Variants in SVOPL observed in about 807,000 individuals in gnomAD.
SVOPL encodes the protein SVOP like.
SVOPL carries 60 observed loss-of-function variants against 61.0 expected under a neutral mutation model. The observed-to-expected ratio is 0.98, with a 90% CI of 0.80 to 1.22. The LOEUF (loss-of-function observed/expected upper bound fraction) is 1.22, where lower values mean the gene tolerates loss of function less well. SVOPL is among the 50% of genes most tolerant of loss of function. SVOPL has a pLI of 0.00. For synonymous variants in SVOPL, 279 were observed against 250.0 expected (o/e 1.12, Z -1.09); for missense variants, 662 against 643.9 (o/e 1.03, Z -0.30).
rs770991935 is a variant in SVOPL at position 138,644,839 on chromosome 7, G to A, written c.667C>T (p.Pro223Ser). The change falls in exon 9 of 16, where the codon CCT (proline) becomes TCT (serine). Residue 223 changes from proline to serine, a missense_variant. Pro to Ser is a moderately conservative substitution (Grantham distance 74). Coordinates refer to ENST00000674285, the MANE Select transcript of SVOPL (RefSeq NM_001139456.2). ...IILIVAFKFI[P>S]ESARFNVSTG... ...GAGACATTGAACCGGGCAGATTCAG[G>A]AATAAACTGGGTAGAGATTACAAAG... is the stretch of plus-strand genomic sequence containing the variant. 1 of 1,614,144 alleles carries A rather than the reference G, an allele frequency of 6.2e-7. No homozygotes were observed. Among genetic ancestry groups the A allele is most frequent in the Non-Finnish European group, 8.5e-7 (1 of 1,180,034 alleles).
intron 6 of SVOPL, 117 bp downstream of exon 6, chr7:138,659,747 C>A (rs1801916927): frequency 9.6e-7 from 1 of 1,042,872 alleles, no homozygotes. Flanking sequence ...TGGACTGAAA[C>A]CTGTCTCAGA....
intron 1 of SVOPL, among the ~76,000 whole-genome samples, chr7:138,694,927 C>T (rs141806935): frequency 0.031 from 4,725 of 150,780 alleles, 89 homozygotes; most frequent in Middle Eastern, 0.079. Context: ...TTAGTAGAGA[C>T]AGGGTTTCAC....
At chr7:138,642,453 A>T (rs1800860478) in intron 9 of SVOPL, among the ~76,000 whole-genome samples, 1 of 152,118 alleles carries the variant, frequency 6.6e-6, no homozygotes, top group African/African-American at 2.4e-5. Context: ...TATCGCATAG[A>T]TTTTTAAAAT....
chr7:138,689,034 C>A, intron 1 of SVOPL: 1 of 702,178 alleles, frequency 1.4e-6, no homozygotes. Context: ...CAAATCAAGA[C>A]GTTCAAATCT....
intron 9 of SVOPL, among the ~76,000 whole-genome samples, chr7:138,634,688 C>G (rs1056504984): frequency 6.7e-6 from 1 of 149,792 alleles, no homozygotes; most frequent in African/African-American, 2.5e-5. Context: ...ATTAGCCAGG[C>G]ATGGTGGCAC....
chr7:138,681,451 CTG>C (rs1445658713), intron 1 of SVOPL, among the ~76,000 whole-genome samples: 2 of 151,904 alleles, frequency 1.3e-5, no homozygotes, highest in Non-Finnish European at 2.9e-5. Context: ...AATGTACAAA[CTG>C]AGCCTGGGGC....
rs1033199816 is a variant in SVOPL at position 138,636,476 on chromosome 7, C to CT, written c.790-6355dup. Among the ~76,000 whole-genome samples the CT allele has an allele frequency of 5.1e-4, 75 of 147,220 alleles. 2 individuals carry two copies. The highest frequency in any genetic ancestry group is 1.1e-3 in the African/African-American group (42 of 39,546). ...AATCTCAAACTCTCATAGGATTTTT[C>CT]TTTTTTTTTTTTGAGACAGAGTTTC... On this transcript the variant is annotated intron_variant, in intron 9 of 15. Coordinates refer to ENST00000674285, the MANE Select transcript of SVOPL (RefSeq NM_001139456.2).
At chr7:138,699,773 C>T (rs910381884) in intron 1 of SVOPL, among the ~76,000 whole-genome samples, 19 of 152,148 alleles carry the variant, frequency 1.2e-4, no homozygotes, top group African/African-American at 2.9e-4. Context: ...GGTGTGGCTC[C>T]GAGGAGCAAG....
chr7:138,687,208 CT>C (rs1367740200), intron 1 of SVOPL, among the ~76,000 whole-genome samples: 1 of 123,108 alleles, frequency 8.1e-6, no homozygotes, highest in South Asian at 2.8e-4. Context: ...TTTGGAAGCT[CT>C]TTTTTTTCCT....
intron 9 of SVOPL, among the ~76,000 whole-genome samples, chr7:138,632,887 G>A (rs1215757155): frequency 6.6e-6 from 1 of 152,096 alleles, no homozygotes; most frequent in Non-Finnish European, 1.5e-5. Flanking sequence ...AGCTATCCGT[G>A]GTTTTGAGTT....
chr7:138,674,056 C>T (rs1416138549), intron 3 of SVOPL, among the ~76,000 whole-genome samples: 5 of 151,966 alleles, frequency 3.3e-5, no homozygotes, highest in African/African-American at 1.2e-4. Flanking sequence ...GGCGTGGTGG[C>T]ATGTGCCTAT....
intron 9 of SVOPL, among the ~76,000 whole-genome samples, chr7:138,642,229 G>A (rs1452119211): frequency 7.0e-6 from 1 of 142,342 alleles, no homozygotes; most frequent in South Asian, 2.2e-4. Context: ...GATCATCTAA[G>A]TATTGAACTC....
chr7:138,653,280 G>A (rs1255916466), intron 7 of SVOPL, among the ~76,000 whole-genome samples: 1 of 152,206 alleles, frequency 6.6e-6, no homozygotes, highest in Non-Finnish European at 1.5e-5. Context: ...GATCACTGGT[G>A]CAGGTGGCTA....
chr7:138,601,079 G>A (rs1346612636), intron 14 of SVOPL, among the ~76,000 whole-genome samples: 1 of 151,564 alleles, frequency 6.6e-6, no homozygotes, highest in African/African-American at 2.4e-5. Flanking sequence ...GTGAAACCCT[G>A]TCTCTACTAA....
intron 14 of SVOPL, among the ~76,000 whole-genome samples, chr7:138,599,855 TC>T (rs1230761649): frequency 1.5e-5 from 2 of 137,778 alleles, no homozygotes. Context: ...ACCACTGCAC[TC>T]CAGCCTGGAC....
chr7:138,635,121 A>T (rs559028535), intron 9 of SVOPL, among the ~76,000 whole-genome samples: 1 of 152,026 alleles, frequency 6.6e-6, no homozygotes, highest in African/African-American at 2.4e-5. Context: ...AAAAACACAA[A>T]ATTAGCTGGG....
At chr7:138,662,265 A>G in intron 5 of SVOPL, 1 of 985,456 alleles carries the variant, frequency 1.0e-6, no homozygotes, top group East Asian at 1.1e-4. Context: ...TTCTTGTCCT[A>G]AAATTCCATC....
rs68156955 is a variant in SVOPL, at chr7:138,620,124, G to GTTTT, written c.1353+918_1353+921dup. ...TTCTTTTTTGTTTTTTTTCTGTTTTGTTTTTTTTTTTTTTTTGAGATAGAG... is the reference window on the plus strand; with the variant it reads ...TTCTTTTTTGTTTTTTTTCTGTTTTGTTTTTTTTTTTTTTTTTTTTGAGATAGAG... On this transcript the variant is annotated intron_variant, in intron 14 of 15. Transcript: ENST00000674285. Among the ~76,000 whole-genome samples the GTTTT allele has an allele frequency of 9.6e-5, 11 of 114,630 alleles. 1 individual carries two copies. Among genetic ancestry groups the GTTTT allele is most frequent in the African/African-American group, 1.6e-4 (5 of 30,478 alleles). 75.2% of individuals were successfully genotyped at this position (114,630 alleles called of 152,430 possible). A position where few individuals can be genotyped will look rare whatever the true frequency, so the allele number is the denominator to read the frequency against.
At chr7:138,658,213 C>G (rs1801838918) in intron 6 of SVOPL, among the ~76,000 whole-genome samples, 1 of 152,106 alleles carries the variant, frequency 6.6e-6, no homozygotes, top group South Asian at 2.1e-4. Context: ...TGCAGCCCAG[C>G]AAGTCTCAGC....
Sources: gnomAD v4.1 joint callset for allele counts (sites outside exome capture counted in the v4.1 genomes callset) on GRCh38, gnomAD v4.1.1 for gene constraint, MANE v1.5 for transcripts, NCBI Gene and HGNC (gene_info 2026-07-23, HGNC 2026-07-21) for gene names.